The following SSPN variants were observed in gnomAD, a reference collection of about 807,000 sequenced individuals.
SSPN encodes the protein K-ras oncogene-associated protein.
SSPN carries 15 observed loss-of-function variants against 19.1 expected under a neutral mutation model. The observed-to-expected ratio is 0.78, with a 90% CI of 0.52 to 1.21. The LOEUF (loss-of-function observed/expected upper bound fraction) is 1.21, where lower values mean the gene tolerates loss of function less well. Among genes scored for constraint, SSPN ranks in the 50% most tolerant of loss-of-function variants. The pLI is 0.00. For missense variants in SSPN, 291 were observed against 314.0 expected (o/e 0.93, Z 0.55); for synonymous variants, 147 against 140.3 (o/e 1.05, Z -0.34).
intron 1 of SSPN, among the ~76,000 whole-genome samples, chr12:26,187,397 A>G (rs574163479): frequency 8.4e-4 from 128 of 152,360 alleles, no homozygotes; most frequent in Non-Finnish European, 1.3e-4. Context: ...TTTTCTTGCC[A>G]AGATCTGACT....
Position 26,195,646 on chromosome 12 carries a change from C to T in SSPN, c.-27C>T. Reference sequence around the variant, plus strand: ...GGGCCCAGGGCGCCGCACACGCACCCACCCACCCACCCAGCCTCGCAGCGC... The same window carrying T: ...GGGCCCAGGGCGCCGCACACGCACCTACCCACCCACCCAGCCTCGCAGCGC... On this transcript the variant is annotated 5_prime_UTR_variant, in exon 1 of 3. Coordinates refer to ENST00000242729, the MANE Select transcript of SSPN (RefSeq NM_005086.5). The T allele has an allele frequency of 4.6e-6, 1 of 215,896 alleles. No homozygotes were observed. The highest frequency in any genetic ancestry group is 2.0e-4 in the East Asian group (1 of 4,912). The allele number at this position is 215,896 out of a possible 1,614,324, so 13.4% of individuals were successfully genotyped here. A position where few individuals can be genotyped will look rare whatever the true frequency, so the allele number is the denominator to read the frequency against.
chr12:26,137,656 A>ATATATATATATTTT (rs1377562695), intron 1 of SSPN, among the ~76,000 whole-genome samples: 1 of 76,434 alleles, frequency 1.3e-5, no homozygotes, highest in African/African-American at 6.6e-5. Flanking sequence ...ATATATATAT[A>ATATATATATATTTT]TTTTTTTTTT....
At chr12:26,193,584 T>A (rs1944802074), upstream of SSPN, among the ~76,000 whole-genome samples, 1 of 152,346 alleles carries the variant, frequency 6.6e-6, no homozygotes, top group African/African-American at 2.4e-5. Flanking sequence ...TGTTGTTTTG[T>A]CATTTGGGTT....
chr12:26,125,059 C>G lies in SSPN; in HGVS notation c.-31+2907C>G, dbSNP rs934902990. ...TTTGGCCACAGGGCACGCGCGTCGC[C>G]GGCCAGACCAGCACCCAGCTCACGT... On this transcript the variant is annotated intron_variant, in intron 1 of 2. Coordinates refer to the SSPN transcript ENST00000538142. The G allele has an allele frequency of 2.6e-5, 13 of 505,478 alleles. No individual in the cohort carries two copies. The Admixed American group carries it at 2.7e-4, about 11-fold the overall frequency. 31.3% of individuals were successfully genotyped at this position (505,478 alleles called of 1,614,324 possible).
At position 26,188,848 on chromosome 12, in the gene SSPN, C is replaced by T. The variant is rs147913903; in HGVS notation, c.-30-35445C>T. On this transcript the variant is annotated intron_variant, in intron 1 of 2. Coordinates refer to the SSPN transcript ENST00000538142. ...TTGTTCTCACTAACCTGGTATGTGG[C>T]GGGGATGTCTGTCCACACAGCACTG... Among the ~76,000 whole-genome samples the T allele has an allele frequency of 3.6e-3, 543 of 152,144 alleles. 2 individuals carry two copies. Among genetic ancestry groups the T allele is most frequent in the African/African-American group, 7.1e-3 (296 of 41,496 alleles).
intron 1 of SSPN, among the ~76,000 whole-genome samples, chr12:26,209,787 T>C (rs1056547016): frequency 2.3e-5 from 3 of 131,794 alleles, no homozygotes; most frequent in African/African-American, 8.5e-5. Flanking sequence ...TAGCTCTGAT[T>C]CTTAGAGCGT....
intron 1 of SSPN, chr12:26,122,625 G>A (rs780862517): frequency 5.0e-6 from 6 of 1,192,696 alleles, no homozygotes; most frequent in Non-Finnish European, 5.2e-6. Context: ...CGCCGCCGCC[G>A]CGCCGCCCCC....
chr12:26,228,957 G>A (rs747911294), intron 2 of SSPN, among the ~76,000 whole-genome samples: 42 of 152,104 alleles, frequency 2.8e-4, no homozygotes, highest in Non-Finnish European at 5.4e-4. Context: ...ACCAGCCTGG[G>A]CCACATAGCA....
intron 1 of SSPN, among the ~76,000 whole-genome samples, chr12:26,140,608 T>C (rs926716361): frequency 4.6e-5 from 7 of 152,194 alleles, no homozygotes; most frequent in Non-Finnish European, 8.8e-5. Flanking sequence ...GCTGTTTTCA[T>C]GATATTGGGT....
At chr12:26,158,548 C>T (rs1265568728) in intron 1 of SSPN, among the ~76,000 whole-genome samples, 2 of 152,248 alleles carry the variant, frequency 1.3e-5, no homozygotes, top group East Asian at 1.9e-4. Flanking sequence ...ACCTGCATTA[C>T]AGGATCTGCA....
intron 1 of SSPN, among the ~76,000 whole-genome samples, chr12:26,214,239 T>C (rs1248396215): frequency 6.6e-6 from 1 of 152,152 alleles, no homozygotes; most frequent in Non-Finnish European, 1.5e-5. Context: ...CATTTGGACC[T>C]CAAAGACTTT....
intron 1 of SSPN, among the ~76,000 whole-genome samples, chr12:26,159,189 G>A (rs551974692): frequency 6.6e-6 from 1 of 152,338 alleles, no homozygotes; most frequent in South Asian, 2.1e-4. Flanking sequence ...ATTGACAGAG[G>A]GTGAAGGGCT....
At chr12:26,132,599 C>G (rs1422749903) in intron 1 of SSPN, among the ~76,000 whole-genome samples, 1 of 152,170 alleles carries the variant, frequency 6.6e-6, no homozygotes, top group African/African-American at 2.4e-5. Context: ...CCTTGCTTTC[C>G]TGAGCCATCT....
intron 1 of SSPN, among the ~76,000 whole-genome samples, chr12:26,164,622 T>A (rs1015429042): frequency 3.9e-5 from 6 of 152,246 alleles, no homozygotes; most frequent in Admixed American, 1.3e-4. Flanking sequence ...ACATTTTTAT[T>A]ATTGATTTAT....
rs199659769 is a variant in SSPN at position 26,124,703 on chromosome 12, G to A, written c.-31+2551G>A. Reference sequence around the variant, plus strand: ...AAAGCCTAGACAGATATTCGCAAGGGTGCGTGCACCTTACCCTATAAAATC... The same window carrying A: ...AAAGCCTAGACAGATATTCGCAAGGATGCGTGCACCTTACCCTATAAAATC... On this transcript the variant is annotated intron_variant, in intron 1 of 2. Coordinates refer to the SSPN transcript ENST00000538142. 4 of 1,614,010 alleles carry A rather than the reference G, an allele frequency of 2.5e-6. No homozygotes were observed. The East Asian group carries it at 8.9e-5, about 36-fold the overall frequency.
chr12:26,232,795 A>G lies in SSPN; in HGVS notation c.*1719A>G, dbSNP rs186645370. ...GATTTGCTTTAAAAATGGCCTTCCTACACATTAGCTCCAGCTAAAAAGACA... is the reference window on the plus strand; with the variant it reads ...GATTTGCTTTAAAAATGGCCTTCCTGCACATTAGCTCCAGCTAAAAAGACA... On this transcript the variant is annotated 3_prime_UTR_variant, in exon 3 of 3. Coordinates refer to ENST00000242729, the MANE Select transcript of SSPN (RefSeq NM_005086.5). 129 of 838,182 alleles carry G rather than the reference A, an allele frequency of 1.5e-4. No individual in the cohort carries two copies. In the African/African-American group the frequency reaches 2.2e-3, roughly 15 times the overall value. 51.9% of individuals were successfully genotyped at this position (838,182 alleles called of 1,614,324 possible).
At chr12:26,173,589 C>T (rs893957514) in intron 1 of SSPN, among the ~76,000 whole-genome samples, 11 of 151,950 alleles carry the variant, frequency 7.2e-5, no homozygotes, top group African/African-American at 2.4e-4. Context: ...TTTTTCTCTT[C>T]CTGTTTTACT....
chr12:26,169,315 T>C (rs1489330301), intron 1 of SSPN, among the ~76,000 whole-genome samples: 1 of 152,150 alleles, frequency 6.6e-6, no homozygotes, highest in Non-Finnish European at 1.5e-5. Context: ...CAGCCACTCA[T>C]AATGGGGGAT....
intron 1 of SSPN, chr12:26,123,532 C>A (rs1565665242): frequency 6.8e-6 from 6 of 885,072 alleles, no homozygotes; most frequent in Non-Finnish European, 1.2e-5. Context: ...CATGAGCCCA[C>A]GGAAAGAGAT....
Sources: allele counts gnomAD v4.1 joint callset (sites outside exome capture counted in the v4.1 genomes callset), GRCh38; gene constraint gnomAD v4.1.1; transcripts MANE v1.5; gene names NCBI Gene and HGNC (gene_info 2026-07-23, HGNC 2026-07-21).